The following SMOC2 variants were observed in gnomAD, a reference collection of about 807,000 sequenced individuals.
SMOC2 encodes SPARC-related modular calcium-binding protein 2.
In SMOC2, 39 loss-of-function variants were observed where a neutral mutation model predicts 61.4. That is an observed-to-expected ratio of 0.64 (90% CI 0.49 to 0.83). The LOEUF is 0.83. Among genes scored for constraint, SMOC2 ranks in the 40% least tolerant of loss-of-function variants. The pLI is 0.00. For missense variants in SMOC2, 556 were observed against 592.9 expected (o/e 0.94, Z 0.65); for synonymous variants, 247 against 239.9 (o/e 1.03, Z -0.27).
chr6:168,452,732 A>G lies in SMOC2; in HGVS notation c.84+11278A>G, dbSNP rs552656710. 1.3e-5 allele frequency among the ~76,000 whole-genome samples: 2 copies of G among 152,296 alleles called. No individual in the cohort carries two copies. The highest frequency in any genetic ancestry group is 4.8e-5 in the African/African-American group (2 of 41,578). ...TACACCATTCCTAGTCCCTTCCCTC[A>G]TTTCTACTACCTTTTAATTTCGTTT... On this transcript the variant is annotated intron_variant, in intron 1 of 12. Transcript: ENST00000356284. This position sits in a 1 kb window ranked among gnomAD's most constrained non-coding sequence, Gnocchi z 5.0.
intron 6 of SMOC2, among the ~76,000 whole-genome samples, chr6:168,547,389 A>G (rs1784029573): frequency 6.6e-6 from 1 of 151,636 alleles, no homozygotes; most frequent in East Asian, 1.9e-4. Context: ...GGAAAACAGC[A>G]AGCCGAAAGG....
chr6:168,477,779 T>C (rs903609066), intron 1 of SMOC2, among the ~76,000 whole-genome samples: 2 of 152,194 alleles, frequency 1.3e-5, no homozygotes, highest in Non-Finnish European at 2.9e-5. Flanking sequence ...CATCCCCTAA[T>C]GTGCTTGACT....
At chr6:168,639,110 A>G (rs975778249) in intron 9 of SMOC2, among the ~76,000 whole-genome samples, 2 of 152,182 alleles carry the variant, frequency 1.3e-5, no homozygotes, top group Admixed American at 6.5e-5. Context: ...AGAGGCTGAA[A>G]TTGTCAGCAC....
intron 7 of SMOC2, among the ~76,000 whole-genome samples, chr6:168,582,395 C>T (rs935671606): frequency 2.0e-5 from 3 of 152,188 alleles, no homozygotes; most frequent in Non-Finnish European, 4.4e-5. Context: ...TGTGTGAGCA[C>T]TGAGCCTTCC....
At chr6:168,612,098 C>T (rs961581506) in intron 9 of SMOC2, among the ~76,000 whole-genome samples, 2 of 152,228 alleles carry the variant, frequency 1.3e-5, no homozygotes, top group Non-Finnish European at 2.9e-5. Flanking sequence ...GACTTACTAG[C>T]CATGTGGTTT....
At position 168,578,942 on chromosome 6, in the gene SMOC2, A is replaced by G. The variant is rs140609283; in HGVS notation, c.638-19876A>G. The stretch of plus-strand genomic sequence containing the variant: ...GATGCACGCATCTCTCCTGACCGGC[A>G]TTCTGGGCCCTCAAGTCATTTATCT... On this transcript the variant is annotated intron_variant, in intron 7 of 12. Coordinates refer to ENST00000356284, the MANE Select transcript of SMOC2 (RefSeq NM_001166412.2). 4.4e-3 allele frequency among the ~76,000 whole-genome samples: 668 copies of G among 152,334 alleles called. 4 individuals carry two copies. The highest frequency in any genetic ancestry group is 0.015 in the African/African-American group (642 of 41,566).
chr6:168,534,396 T>C (rs971496751), intron 4 of SMOC2, among the ~76,000 whole-genome samples: 2 of 152,302 alleles, frequency 1.3e-5, no homozygotes, highest in East Asian at 1.9e-4. Flanking sequence ...GACAAGCCGC[T>C]TCAGGCCGGC....
intron 1 of SMOC2, among the ~76,000 whole-genome samples, chr6:168,498,010 C>T (rs1369035347): frequency 2.0e-5 from 3 of 152,168 alleles, no homozygotes; most frequent in Non-Finnish European, 4.4e-5. Flanking sequence ...ACTGCACAGC[C>T]GCTGCCCATA....
At chr6:168,508,498 G>C (rs1274830398) in intron 1 of SMOC2, among the ~76,000 whole-genome samples, 1 of 152,210 alleles carries the variant, frequency 6.6e-6, no homozygotes, top group Non-Finnish European at 1.5e-5. Flanking sequence ...CAGCCACAGA[G>C]GGGTACAATG....
intron 1 of SMOC2, among the ~76,000 whole-genome samples, chr6:168,471,154 A>G (rs1162346201): frequency 6.6e-6 from 1 of 152,210 alleles, no homozygotes; most frequent in Non-Finnish European, 1.5e-5. Context: ...AGGAGATATA[A>G]CTGTCGCACA....
At chr6:168,472,760 AAGTT>A (rs1183346588) in intron 1 of SMOC2, among the ~76,000 whole-genome samples, 1 of 152,154 alleles carries the variant, frequency 6.6e-6, no homozygotes, top group African/African-American at 2.4e-5. Context: ...TTGCAGAAGA[AAGTT>A]AGATTTTTTA....
intron 8 of SMOC2, among the ~76,000 whole-genome samples, chr6:168,603,381 C>T (rs577431426): frequency 6.0e-5 from 9 of 150,812 alleles, no homozygotes; most frequent in African/African-American, 1.5e-4. Context: ...GAGAACAGAG[C>T]GGGTCCACTC....
intron 7 of SMOC2, among the ~76,000 whole-genome samples, chr6:168,550,241 G>C (rs536199045): frequency 2.0e-5 from 3 of 152,306 alleles, no homozygotes; most frequent in African/African-American, 7.2e-5. Flanking sequence ...AATTTTCTGC[G>C]ATCAGCTTTG....
intron 9 of SMOC2, among the ~76,000 whole-genome samples, chr6:168,632,420 T>C (rs957600135): frequency 6.6e-6 from 1 of 152,184 alleles, no homozygotes; most frequent in Non-Finnish European, 1.5e-5. Context: ...AAATAATCAC[T>C]CTCCCCTTAT....
chr6:168,567,197 A>T (rs947172872), intron 7 of SMOC2, among the ~76,000 whole-genome samples: 8 of 152,242 alleles, frequency 5.3e-5, no homozygotes, highest in African/African-American at 1.9e-4. Flanking sequence ...TAAAACAAAA[A>T]ATGAGAAAAT....
chr6:168,557,553 C>T (rs1193506913), intron 7 of SMOC2, among the ~76,000 whole-genome samples: 2 of 152,180 alleles, frequency 1.3e-5, no homozygotes, highest in Non-Finnish European at 2.9e-5. Flanking sequence ...GCCTTGAGCT[C>T]TCGCCATGAA....
At chr6:168,516,570 G>A (rs1783139347) in intron 2 of SMOC2, among the ~76,000 whole-genome samples, 1 of 152,176 alleles carries the variant, frequency 6.6e-6, no homozygotes, top group African/African-American at 2.4e-5. Flanking sequence ...CTCCGAGGCT[G>A]CACAATGACC....
At chr6:168,550,501 G>A (rs1237301529) in intron 7 of SMOC2, among the ~76,000 whole-genome samples, 1 of 152,126 alleles carries the variant, frequency 6.6e-6, no homozygotes, top group Non-Finnish European at 1.5e-5. Context: ...TCTATGGTAG[G>A]CCCGTCCACT....
At chr6:168,569,645 T>C (rs574875449) in intron 7 of SMOC2, among the ~76,000 whole-genome samples, 1 of 152,330 alleles carries the variant, frequency 6.6e-6, no homozygotes, top group East Asian at 1.9e-4. Flanking sequence ...GGTTTGGCCA[T>C]GTTGCCCAGG....
Sources: allele counts gnomAD v4.1 joint callset (sites outside exome capture counted in the v4.1 genomes callset), GRCh38; gene constraint gnomAD v4.1.1; non-coding constraint Gnocchi (gnomAD v3.1); transcripts MANE v1.5; gene names NCBI Gene and HGNC (gene_info 2026-07-23, HGNC 2026-07-21).